SLIT3: variants seen among roughly 807,000 people sequenced by gnomAD.
SLIT3 encodes the protein slit guidance ligand 3.
In SLIT3, 68 loss-of-function variants were observed where a neutral mutation model predicts 184.0. The observed-to-expected ratio is 0.37, with a 90% CI of 0.30 to 0.45. SLIT3 has a LOEUF of 0.45. Among genes scored for constraint, SLIT3 ranks in the 20% least tolerant of loss-of-function variants. The probability of loss-of-function intolerance (pLI) is 1.00; values close to 1 mark genes in which losing one functional copy is unlikely to be tolerated. For missense variants in SLIT3, 1,707 were observed against 2,026.0 expected (o/e 0.84, Z 3.02); for synonymous variants, 831 against 828.6 (o/e 1.00, Z -0.05).
At chr5:168,825,034 T>A (rs1271221192) in intron 6 of SLIT3, among the ~76,000 whole-genome samples, 1 of 152,234 alleles carries the variant, frequency 6.6e-6, no homozygotes, top group Non-Finnish European at 1.5e-5. Context: ...TTCCGAATTG[T>A]GTGGCCTTGG....
chr5:169,294,633 C>T (rs750558464), intron 1 of SLIT3, among the ~76,000 whole-genome samples: 9 of 152,226 alleles, frequency 5.9e-5, no homozygotes, highest in Non-Finnish European at 1.3e-4. Flanking sequence ...TGGCCACTAA[C>T]ATGAATAGTT....
chr5:169,018,171 G>C (rs1001127805), intron 4 of SLIT3, among the ~76,000 whole-genome samples: 1 of 152,214 alleles, frequency 6.6e-6, no homozygotes, highest in Non-Finnish European at 1.5e-5. Context: ...AACTGAGGCA[G>C]ATCCCTGGGA....
chr5:168,729,306 T>C (rs1344059754), intron 20 of SLIT3, among the ~76,000 whole-genome samples: 1 of 152,080 alleles, frequency 6.6e-6, no homozygotes, highest in East Asian at 1.9e-4. Context: ...TTCAGGCAAA[T>C]ACATTGCAAA....
chr5:169,274,459 T>C (rs1196884636), intron 1 of SLIT3, among the ~76,000 whole-genome samples: 1 of 152,140 alleles, frequency 6.6e-6, no homozygotes, highest in Non-Finnish European at 1.5e-5. Flanking sequence ...AGATAATGTA[T>C]AAAATTCACT....
intron 19 of SLIT3, among the ~76,000 whole-genome samples, chr5:168,748,793 A>G (rs1303873306): frequency 6.6e-6 from 1 of 152,096 alleles, no homozygotes; most frequent in Non-Finnish European, 1.5e-5. Flanking sequence ...TCCCACAACT[A>G]CACAGTCCCT....
chr5:169,038,265 A>C (rs2113551843), intron 4 of SLIT3, among the ~76,000 whole-genome samples: 1 of 152,346 alleles, frequency 6.6e-6, no homozygotes, highest in South Asian at 2.1e-4. Context: ...CAGAACAACT[A>C]GAATGCCTGG....
intron 4 of SLIT3, among the ~76,000 whole-genome samples, chr5:169,104,813 G>A (rs1177185018): frequency 2.6e-5 from 4 of 152,160 alleles, no homozygotes; most frequent in Admixed American, 6.5e-5. Context: ...ACTCTCAGGG[G>A]GAGAAAAGAA....
At chr5:168,984,066 T>A (rs34882538) in intron 4 of SLIT3, among the ~76,000 whole-genome samples, 3,341 of 152,078 alleles carry the variant, frequency 0.022, 38 homozygotes, top group Non-Finnish European at 0.026. Context: ...TATATATATT[T>A]TTTTTAATGG....
At chr5:168,806,410 C>G (rs114662232) in intron 9 of SLIT3, 36 bp downstream of exon 9, 1 of 1,612,540 alleles carries the variant, frequency 6.2e-7, no homozygotes. Flanking sequence ...AATTCTCCGG[C>G]GACAGTTGTT....
intron 1 of SLIT3, among the ~76,000 whole-genome samples, chr5:169,255,710 C>T (rs1242541655): frequency 2.0e-5 from 3 of 152,034 alleles, no homozygotes; most frequent in South Asian, 2.1e-4. Flanking sequence ...GGTGAAACCC[C>T]GTCTCTACTA....
chr5:169,066,942 G>GAAAAAAA (rs60977256), intron 4 of SLIT3, among the ~76,000 whole-genome samples: 16 of 80,430 alleles, frequency 2.0e-4, no homozygotes, highest in African/African-American at 5.6e-4. Flanking sequence ...TCCCTTTCCT[G>GAAAAAAA]AAAAAAAAAA....
rs557786047 is a variant in SLIT3 at position 168,775,338 on chromosome 5, A to G, written c.1152-960T>C. On this transcript the variant is annotated intron_variant, in intron 12 of 35. Transcript: ENST00000519560. ...AGGTGTGAGCCACCACGCCCGGCCTACCACTGCATTTTCATTCCTCAGACA... is the reference window on the plus strand; with the variant it reads ...AGGTGTGAGCCACCACGCCCGGCCTGCCACTGCATTTTCATTCCTCAGACA... Among the ~76,000 whole-genome samples, 6 of 152,158 alleles carry G rather than the reference A, an allele frequency of 3.9e-5. No homozygotes were observed. In the East Asian group the frequency reaches 1.2e-3, roughly 29 times the overall value.
intron 20 of SLIT3, among the ~76,000 whole-genome samples, chr5:168,740,367 G>C (rs1397376314): frequency 6.6e-6 from 1 of 152,162 alleles, no homozygotes; most frequent in Non-Finnish European, 1.5e-5. Context: ...GCATTGCTGG[G>C]GTCTTGCATG....
chr5:169,165,921 TTC>T (rs777074067), intron 4 of SLIT3, among the ~76,000 whole-genome samples: 6 of 152,190 alleles, frequency 3.9e-5, no homozygotes, highest in Non-Finnish European at 7.3e-5. Context: ...ATGAAATAGT[TTC>T]TGAGTGCCTA....
intron 1 of SLIT3, among the ~76,000 whole-genome samples, chr5:169,252,908 A>T (rs956954528): frequency 6.6e-6 from 1 of 152,224 alleles, no homozygotes; most frequent in South Asian, 2.1e-4. Context: ...GGTATCAGAC[A>T]TAATACTGAA....
intron 1 of SLIT3, among the ~76,000 whole-genome samples, chr5:169,294,501 T>C (rs1454604143): frequency 1.3e-5 from 2 of 152,302 alleles, no homozygotes; most frequent in East Asian, 3.9e-4. Context: ...GTATTGGGCA[T>C]AGCCCACAGG....
intron 5 of SLIT3, among the ~76,000 whole-genome samples, chr5:168,867,765 C>T (rs917784047): frequency 6.6e-6 from 1 of 152,048 alleles, no homozygotes; most frequent in Non-Finnish European, 1.5e-5. Context: ...AAGGCCTTGG[C>T]AGGCAGTTGG....
intron 20 of SLIT3, among the ~76,000 whole-genome samples, chr5:168,734,392 C>T (rs1763374178): frequency 6.6e-6 from 1 of 152,138 alleles, no homozygotes; most frequent in Non-Finnish European, 1.5e-5. Context: ...CCTTAACCTT[C>T]CTAAAATGCC....
At chr5:169,081,544 C>T (rs1027570883) in intron 4 of SLIT3, among the ~76,000 whole-genome samples, 27 of 152,104 alleles carry the variant, frequency 1.8e-4, no homozygotes, top group African/African-American at 6.3e-4. Flanking sequence ...TTGGAGCAAC[C>T]GGATGTTTTA....
Sources: gnomAD v4.1 joint callset for allele counts (sites outside exome capture counted in the v4.1 genomes callset) on GRCh38, gnomAD v4.1.1 for gene constraint, MANE v1.5 for transcripts, NCBI Gene and HGNC (gene_info 2026-07-23, HGNC 2026-07-21) for gene names.